The following DTNA variants were observed in gnomAD, a reference collection of about 807,000 sequenced individuals.
The protein encoded by DTNA is dystrobrevin alpha, also known as dystrophin-related protein 3.
In DTNA, 43 loss-of-function variants were observed where a neutral mutation model predicts 100.7. The observed-to-expected ratio is 0.43, with a 90% confidence interval of 0.33 to 0.55. The LOEUF (loss-of-function observed/expected upper bound fraction) is 0.55. Among genes scored for constraint, DTNA ranks in the 20% least tolerant of loss-of-function variants. The probability of loss-of-function intolerance (pLI) is 0.04; values close to 1 mark genes in which losing one functional copy is unlikely to be tolerated. For synonymous variants in DTNA, 349 were observed against 347.9 expected (o/e 1.00, Z -0.04); for missense variants, 798 against 953.9 (o/e 0.84, Z 2.15).
chr18:34,872,744 C>T (rs538715423), intron 17 of DTNA, among the ~76,000 whole-genome samples: 59 of 152,326 alleles, frequency 3.9e-4, no homozygotes, highest in Non-Finnish European at 7.5e-4. Context: ...AGCCCTAGGA[C>T]GCTGCTCCAG....
At chr18:34,830,119 G>C (rs1568682891) in intron 11 of DTNA, among the ~76,000 whole-genome samples, 1 of 152,088 alleles carries the variant, frequency 6.6e-6, no homozygotes, top group Non-Finnish European at 1.5e-5. Context: ...TATCATGCCA[G>C]ATGTAGGCAA....
chr18:34,545,441 T>C (rs907517408), intron 1 of DTNA, among the ~76,000 whole-genome samples: 4 of 152,140 alleles, frequency 2.6e-5, no homozygotes, highest in African/African-American at 7.2e-5. Flanking sequence ...GTTTTTGTTA[T>C]ATATTTTCTA....
At chr18:34,558,746 C>T (rs925639162) in intron 1 of DTNA, among the ~76,000 whole-genome samples, 1 of 151,984 alleles carries the variant, frequency 6.6e-6, no homozygotes, top group African/African-American at 2.4e-5. Flanking sequence ...AGAGCCAGCC[C>T]AAGCAGATAT....
intron 1 of DTNA, among the ~76,000 whole-genome samples, chr18:34,516,063 T>A (rs915375786): frequency 8.5e-5 from 13 of 152,146 alleles, no homozygotes; most frequent in African/African-American, 3.1e-4. Context: ...GAATCTCAGC[T>A]ATTGGGGGAA....
intron 9 of DTNA, among the ~76,000 whole-genome samples, chr18:34,826,858 A>G (rs1458130843): frequency 6.6e-6 from 1 of 152,188 alleles, no homozygotes; most frequent in African/African-American, 2.4e-5. Context: ...GGAAAGAATG[A>G]CAGAATGAAA....
At chr18:34,749,356 T>A (rs2092048892) in intron 1 of DTNA, among the ~76,000 whole-genome samples, 2 of 152,140 alleles carry the variant, frequency 1.3e-5, no homozygotes, top group Non-Finnish European at 2.9e-5. Flanking sequence ...AGTACTGTGT[T>A]GAATAGAAGT....
chr18:34,578,519 G>A (rs558754172), intron 1 of DTNA, among the ~76,000 whole-genome samples: 4 of 152,004 alleles, frequency 2.6e-5, no homozygotes, highest in Admixed American at 6.6e-5. Context: ...TTGCTTTTGG[G>A]TCCTTGGTCG....
intron 1 of DTNA, among the ~76,000 whole-genome samples, chr18:34,751,109 C>T (rs1305402662): frequency 1.3e-5 from 2 of 152,180 alleles, no homozygotes; most frequent in Non-Finnish European, 2.9e-5. Flanking sequence ...ACTTCACCTC[C>T]TACAAATTCA....
At chr18:34,584,403 A>C (rs1385161454) in intron 1 of DTNA, among the ~76,000 whole-genome samples, 2 of 152,194 alleles carry the variant, frequency 1.3e-5, no homozygotes, top group Non-Finnish European at 2.9e-5. Context: ...TATAGATAGT[A>C]AAAAAGAAAT....
At chr18:34,511,088 A>C (rs903711242) in intron 1 of DTNA, among the ~76,000 whole-genome samples, 5 of 152,068 alleles carry the variant, frequency 3.3e-5, no homozygotes, top group African/African-American at 1.2e-4. Flanking sequence ...GCTTATAGAG[A>C]CTGAGCTATA....
chr18:34,622,904 C>T (rs1354469425), intron 1 of DTNA, among the ~76,000 whole-genome samples: 1 of 152,156 alleles, frequency 6.6e-6, no homozygotes, highest in African/African-American at 2.4e-5. Flanking sequence ...TCTCAGCCTC[C>T]ATAATAATGC....
chr18:34,868,452 G>A (rs2096731183), intron 17 of DTNA: 1 of 981,940 alleles, frequency 1.0e-6, no homozygotes, highest in Non-Finnish European at 1.2e-6. Flanking sequence ...GGTAAAACAT[G>A]ATCTAAGGAG....
At chr18:34,806,130 T>C in intron 4 of DTNA, 89 bp from the exon 5 acceptor site, 1 of 1,108,942 alleles carries the variant, frequency 9.0e-7, no homozygotes. Context: ...GAATAGAAAA[T>C]GTCAAACCTT....
chr18:34,724,908 A>G (rs1221927868), intron 1 of DTNA, among the ~76,000 whole-genome samples: 1 of 152,234 alleles, frequency 6.6e-6, no homozygotes, highest in East Asian at 1.9e-4. Context: ...GGAACAGAAC[A>G]TTGATCAGAA....
intron 13 of DTNA, among the ~76,000 whole-genome samples, chr18:34,845,337 GA>G (rs974030958): frequency 6.6e-6 from 1 of 152,126 alleles, no homozygotes. Flanking sequence ...TTGCTATACA[GA>G]ATCCTATATC....
chr18:34,787,296 T>G (rs575151577), intron 3 of DTNA, among the ~76,000 whole-genome samples: 1 of 152,226 alleles, frequency 6.6e-6, no homozygotes, highest in Non-Finnish European at 1.5e-5. Flanking sequence ...GAGAGTTTTG[T>G]CAAAACCCTT....
intron 1 of DTNA, among the ~76,000 whole-genome samples, chr18:34,498,976 T>C (rs1157400691): frequency 2.0e-5 from 3 of 152,336 alleles, no homozygotes; most frequent in South Asian, 4.1e-4. Flanking sequence ...AGAGATCCCA[T>C]GGTCCCTTTA....
intron 1 of DTNA, among the ~76,000 whole-genome samples, chr18:34,505,831 A>G (rs2040433628): frequency 6.6e-6 from 1 of 152,168 alleles, no homozygotes; most frequent in Non-Finnish European, 1.5e-5. Context: ...TCTTGCTTTT[A>G]GCATCTGTTG....
At chr18:34,878,585 C>T (rs1346093739) in intron 19 of DTNA, among the ~76,000 whole-genome samples, 1 of 152,026 alleles carries the variant, frequency 6.6e-6, no homozygotes, top group African/African-American at 2.4e-5. Flanking sequence ...GGATTCCCAG[C>T]CCTTATCTAT....
Sources: allele counts gnomAD v4.1 joint callset (sites outside exome capture counted in the v4.1 genomes callset), GRCh38; gene constraint gnomAD v4.1.1; transcripts MANE v1.5; gene names NCBI Gene and HGNC (gene_info 2026-07-23, HGNC 2026-07-21).